Variants in NLGN1 observed in about 807,000 individuals in gnomAD.
NLGN1 encodes neuroligin-1.
In NLGN1, 12 loss-of-function variants were observed where a neutral mutation model predicts 65.5. That is an observed-to-expected ratio of 0.18 (90% CI 0.12 to 0.30). The LOEUF (loss-of-function observed/expected upper bound fraction) is 0.30. Ranked by LOEUF, NLGN1 falls within the 10% of genes least tolerant of loss-of-function variation. The pLI is 1.00. For synonymous variants in NLGN1, 350 were observed against 359.5 expected (o/e 0.97, Z 0.30); for missense variants, 750 against 1,007.1 (o/e 0.74, Z 3.46).
At chr3:173,413,620 A>T (rs1453216729) in intron 1 of NLGN1, among the ~76,000 whole-genome samples, 1 of 152,098 alleles carries the variant, frequency 6.6e-6, no homozygotes, top group East Asian at 1.9e-4. Flanking sequence ...TTAAAATTAA[A>T]TAAATAAAAA....
At chr3:174,115,090 C>A (rs984704266) in intron 4 of NLGN1, among the ~76,000 whole-genome samples, 11 of 152,078 alleles carry the variant, frequency 7.2e-5, no homozygotes, top group African/African-American at 2.4e-4. Context: ...GGATTGTGGA[C>A]GGTCTCTTTC....
At chr3:173,931,217 CA>C (rs1238114487) in intron 4 of NLGN1, among the ~76,000 whole-genome samples, 1 of 152,050 alleles carries the variant, frequency 6.6e-6, no homozygotes, top group South Asian at 2.1e-4. Context: ...ATAAACAAAA[CA>C]AAATGAGAGG....
At chr3:173,900,976 A>T (rs542797455) in intron 4 of NLGN1, among the ~76,000 whole-genome samples, 110 of 152,158 alleles carry the variant, frequency 7.2e-4, no homozygotes, top group Middle Eastern at 3.4e-3. Flanking sequence ...AGGTCCTCTG[A>T]CTGGAAACTC....
At chr3:173,785,543 G>T (rs1781816363) in intron 3 of NLGN1, among the ~76,000 whole-genome samples, 1 of 152,010 alleles carries the variant, frequency 6.6e-6, no homozygotes, top group Non-Finnish European at 1.5e-5. Flanking sequence ...CTAGAATATT[G>T]TCAGTACTAG....
intron 3 of NLGN1, among the ~76,000 whole-genome samples, chr3:173,658,487 C>A (rs779455897): frequency 6.6e-6 from 1 of 151,966 alleles, no homozygotes; most frequent in African/African-American, 2.4e-5. Flanking sequence ...TACTTCTAAT[C>A]TTTATATTGA....
intron 4 of NLGN1, among the ~76,000 whole-genome samples, chr3:174,199,377 T>A (rs1335951419): frequency 6.6e-6 from 1 of 151,742 alleles, no homozygotes; most frequent in Non-Finnish European, 1.5e-5. Context: ...TTGGCTACTA[T>A]CAGTAATAAT....
intron 4 of NLGN1, among the ~76,000 whole-genome samples, chr3:173,984,624 A>G (rs569535263): frequency 4.6e-5 from 7 of 152,308 alleles, no homozygotes; most frequent in South Asian, 2.1e-4. Context: ...ACATTTATCA[A>G]ACTTATCTAA....
rs1403250705 is a variant in NLGN1 at position 174,086,327 on chromosome 3, T to TTATGTATGTGCATAAATATATATATA, written c.647-188974_647-188973insAATATATATATATATGTATGTGCATA. Among the ~76,000 whole-genome samples the TTATGTATGTGCATAAATATATATATA allele has an allele frequency of 7.1e-5, 10 of 141,518 alleles. No individual in the cohort carries two copies. In the East Asian group the frequency reaches 2.1e-3, roughly 29 times the overall value. 92.8% of individuals were successfully genotyped at this position (141,518 alleles called of 152,430 possible). On this transcript the variant is annotated intron_variant, in intron 4 of 6. Transcript: ENST00000457714. ...TATGTGCATAAATATATATATATAT[T>TTATGTATGTGCATAAATATATATATA]TATGTATGTGCATATGACCGGTTTT...
chr3:174,264,900 CA>C (rs1747723199), intron 4 of NLGN1, among the ~76,000 whole-genome samples: 1 of 151,964 alleles, frequency 6.6e-6, no homozygotes, highest in Admixed American at 6.6e-5. Context: ...TTCCTTCTAA[CA>C]GAGAGGACCC....
At chr3:174,252,743 A>G (rs947635356) in intron 4 of NLGN1, among the ~76,000 whole-genome samples, 1 of 152,164 alleles carries the variant, frequency 6.6e-6, no homozygotes, top group Non-Finnish European at 1.5e-5. Flanking sequence ...TCACCTGGGA[A>G]TTTGATAAGA....
Position 174,138,562 on chromosome 3 carries a change from A to G in NLGN1, c.647-136753A>G, listed in dbSNP as rs571907902. On this transcript the variant is annotated intron_variant, in intron 4 of 6. Transcript: ENST00000457714. Reference sequence around the variant, plus strand: ...CCATTCTCCTGCCTCAGCCTCCCAAATAGCTGGGACGACAGGCCCCCGCCA... The same window carrying G: ...CCATTCTCCTGCCTCAGCCTCCCAAGTAGCTGGGACGACAGGCCCCCGCCA... Among the ~76,000 whole-genome samples, 775 of 151,664 alleles carry G rather than the reference A, an allele frequency of 5.1e-3. 19 individuals carry two copies. Among genetic ancestry groups the G allele is most frequent in the East Asian group, 0.015 (77 of 5,110 alleles).
intron 4 of NLGN1, among the ~76,000 whole-genome samples, chr3:174,067,900 G>A (rs1191925969): frequency 6.6e-6 from 1 of 152,156 alleles, no homozygotes. Flanking sequence ...GGACACAGAA[G>A]TTTTCTAGTA....
chr3:174,158,938 C>A (rs1725981448), intron 4 of NLGN1, among the ~76,000 whole-genome samples: 1 of 151,542 alleles, frequency 6.6e-6, no homozygotes, highest in African/African-American at 2.4e-5. Flanking sequence ...CTACTGAGTG[C>A]ACTCAACTTT....
At chr3:173,854,148 T>A (rs1396852811) in intron 4 of NLGN1, among the ~76,000 whole-genome samples, 1 of 152,050 alleles carries the variant, frequency 6.6e-6, no homozygotes, top group African/African-American at 2.4e-5. Context: ...ACACTTTTAA[T>A]ATGGCAACAA....
At chr3:173,733,819 G>A (rs1362563987) in intron 3 of NLGN1, among the ~76,000 whole-genome samples, 2 of 152,028 alleles carry the variant, frequency 1.3e-5, no homozygotes, top group Admixed American at 6.6e-5. Flanking sequence ...AACACTGTTT[G>A]TGTAAAAATT....
chr3:173,551,380 A>T lies in NLGN1; in HGVS notation c.-320-52899A>T, dbSNP rs371646276. ...GATTCTGCTAATATCTGTATTATGG[A>T]TTCATTAAATTGCTTGTATACTCTT... On this transcript the variant is annotated intron_variant, in intron 2 of 6. Coordinates refer to ENST00000457714, the Ensembl canonical transcript of NLGN1. 8.9e-4 allele frequency among the ~76,000 whole-genome samples: 136 copies of T among 152,272 alleles called. 1 individual carries two copies. The highest frequency in any genetic ancestry group is 3.4e-3 in the Middle Eastern group (1 of 294).
At chr3:173,720,411 TA>T (rs1368483960) in intron 3 of NLGN1, among the ~76,000 whole-genome samples, 1 of 152,200 alleles carries the variant, frequency 6.6e-6, no homozygotes, top group Non-Finnish European at 1.5e-5. Flanking sequence ...TGGTTATTGA[TA>T]CTGTGTGACA....
intron 2 of NLGN1, among the ~76,000 whole-genome samples, chr3:173,554,362 A>G (rs1410471318): frequency 1.3e-5 from 2 of 152,208 alleles, no homozygotes; most frequent in African/African-American, 2.4e-5. Context: ...CAGTGGTAAG[A>G]GAGAGAATCC....
chr3:173,542,154 T>G (rs1738995527), intron 2 of NLGN1, among the ~76,000 whole-genome samples: 1 of 151,980 alleles, frequency 6.6e-6, no homozygotes, highest in Non-Finnish European at 1.5e-5. Flanking sequence ...TTTATAAAAT[T>G]TTAGCTTTAT....
Sources: allele counts gnomAD v4.1 joint callset (sites outside exome capture counted in the v4.1 genomes callset), GRCh38; gene constraint gnomAD v4.1.1; transcripts MANE v1.5; gene names NCBI Gene and HGNC (gene_info 2026-07-23, HGNC 2026-07-21).